Variants in KHDC1 observed in about 807,000 individuals in gnomAD.
KHDC1 encodes the protein KH homology domain-containing protein 1.
KHDC1 carries 21 observed loss-of-function variants against 24.7 expected under a neutral mutation model. That is an observed-to-expected ratio of 0.85 (90% CI 0.60 to 1.23). KHDC1 has a LOEUF of 1.23. Ranked by LOEUF, KHDC1 falls within the 50% of genes most tolerant of loss-of-function variation. KHDC1 has a pLI of 0.00. For synonymous variants in KHDC1, 98 were observed against 111.7 expected (o/e 0.88, Z 0.77); for missense variants, 274 against 298.5 (o/e 0.92, Z 0.61).
chr6:73,242,246 A>AT lies in KHDC1; in HGVS notation c.332-10dup. ...GTATGTGTCACCATGCCCTGTGAGCATAAGAGGTGAGAGGAGGTTCTGTCA... is the reference window on the plus strand; with the variant it reads ...GTATGTGTCACCATGCCCTGTGAGCATTAAGAGGTGAGAGGAGGTTCTGTCA... On this transcript the variant is annotated splice_polypyrimidine_tract_variant and intron_variant, in intron 3 of 4. Transcript: ENST00000370384. The AT allele has an allele frequency of 1.9e-6, 3 of 1,611,390 alleles. No individual in the cohort carries two copies. The South Asian group carries it at 3.3e-5, about 18-fold the overall frequency.
intron 1 of KHDC1, among the ~76,000 whole-genome samples, chr6:73,296,556 A>C (rs1218859065): frequency 6.6e-6 from 1 of 152,200 alleles, no homozygotes; most frequent in African/African-American, 2.4e-5. Flanking sequence ...TGGTTATCAC[A>C]TTATACATAA....
chr6:73,300,971 C>T (rs1175158663), intron 1 of KHDC1: 2 of 152,064 alleles, frequency 1.3e-5, no homozygotes, highest in African/African-American at 4.8e-5. Flanking sequence ...AATCCCAGCA[C>T]TTTGGGAGGC....
intron 2 of KHDC1, among the ~76,000 whole-genome samples, chr6:73,265,505 G>A (rs1165352991): frequency 7.1e-6 from 1 of 141,210 alleles, no homozygotes; most frequent in Non-Finnish European, 1.5e-5. Context: ...CTCTGGCCTG[G>A]GCAACTGAGC....
intron 2 of KHDC1, 46 bp from the exon 1 acceptor site, chr6:73,263,242 C>G: frequency 3.0e-6 from 3 of 986,586 alleles, no homozygotes; most frequent in Non-Finnish European, 3.6e-6. Flanking sequence ...CGGGAAGCAA[C>G]CCAGAGCCCT....
At chr6:73,273,922 A>G (rs1210289307) in intron 2 of KHDC1, among the ~76,000 whole-genome samples, 1 of 152,176 alleles carries the variant, frequency 6.6e-6, no homozygotes, top group Non-Finnish European at 1.5e-5. Context: ...AGTGGAGACC[A>G]GCCTGAGCAA....
chr6:73,272,502 G>A (rs1767198792), intron 2 of KHDC1, among the ~76,000 whole-genome samples: 1 of 152,010 alleles, frequency 6.6e-6, no homozygotes, highest in Non-Finnish European at 1.5e-5. Context: ...AAGGCCAGAC[G>A]TGGTGGCTCA....
chr6:73,242,580 G>A (rs1351375255), intron 2 of KHDC1, 50 bp from the exon 2 acceptor site: 1 of 1,612,256 alleles, frequency 6.2e-7, no homozygotes, highest in East Asian at 2.2e-5. Flanking sequence ...AAAAGACTTG[G>A]AAAAGTGAGG....
intron 2 of KHDC1, among the ~76,000 whole-genome samples, chr6:73,264,730 G>A (rs1261422476): frequency 2.0e-5 from 3 of 152,198 alleles, no homozygotes; most frequent in Non-Finnish European, 4.4e-5. Flanking sequence ...GTGGAACCAG[G>A]ACCAGCCAGG....
Position 73,291,934 on chromosome 6 carries a change from C to G in KHDC1, c.206+64G>C. On this transcript the variant is annotated intron_variant, in intron 2 of 4. Transcript: ENST00000370384. The stretch of plus-strand genomic sequence containing the variant: ...AATCTATTTTTAAAAATTTAATTCT[C>G]TAGCACAGACTCCCTTTTTTTGGTA... 3 of 1,566,516 alleles carry G rather than the reference C, an allele frequency of 1.9e-6. 1 individual carries two copies. In the South Asian group the frequency reaches 3.4e-5, roughly 18 times the overall value.
chr6:73,296,041 C>G (rs1292753823), intron 1 of KHDC1, among the ~76,000 whole-genome samples: 1 of 147,516 alleles, frequency 6.8e-6, no homozygotes, highest in East Asian at 2.0e-4. Context: ...ACTCGGGAGG[C>G]TGAGGCAGGA....
intron 2 of KHDC1, among the ~76,000 whole-genome samples, chr6:73,286,775 C>T (rs376613519): frequency 4.6e-5 from 7 of 151,508 alleles, no homozygotes; most frequent in East Asian, 3.9e-4. Context: ...CTCAGTTACT[C>T]GGGAGGCCGA....
intron 2 of KHDC1, chr6:73,263,158 C>A: frequency 1.0e-6 from 1 of 987,556 alleles, no homozygotes; most frequent in Admixed American, 6.1e-5. Context: ...GGGGTCCCGG[C>A]TCGCGCCGCG....
At chr6:73,249,265 A>G (rs1766733573) in intron 2 of KHDC1, among the ~76,000 whole-genome samples, 1 of 152,100 alleles carries the variant, frequency 6.6e-6, no homozygotes, top group African/African-American at 2.4e-5. Flanking sequence ...GAGGCGACAG[A>G]GTGAAACCCA....
At chr6:73,254,949 TGGA>T (rs1169609269) in intron 2 of KHDC1, among the ~76,000 whole-genome samples, 1 of 150,094 alleles carries the variant, frequency 6.7e-6, no homozygotes, top group African/African-American at 2.5e-5. Flanking sequence ...TTGCAGTGAG[TGGA>T]GATCGCGCCA....
chr6:73,304,647 A>T (rs1562261930), intron 1 of KHDC1, among the ~76,000 whole-genome samples: 1 of 152,214 alleles, frequency 6.6e-6, no homozygotes, highest in Admixed American at 6.5e-5. Flanking sequence ...TGCTACAATG[A>T]CATATATTAC....
At chr6:73,269,584 C>G (rs183316551) in intron 2 of KHDC1, 3 of 152,120 alleles carry the variant, frequency 2.0e-5, no homozygotes, top group African/African-American at 7.2e-5. Context: ...TACGAATGCC[C>G]TCCTTATTCC....
chr6:73,308,991 A>G (rs1429109924), intron 1 of KHDC1, among the ~76,000 whole-genome samples: 2 of 151,958 alleles, frequency 1.3e-5, no homozygotes, highest in East Asian at 1.9e-4. Flanking sequence ...GCGCCAGGCT[A>G]ATTTTTGTAT....
At position 73,292,351 on chromosome 6, in the gene KHDC1, A is replaced by G; in HGVS notation, c.164-311T>C. 3 of 827,716 alleles carry G rather than the reference A, an allele frequency of 3.6e-6. No homozygotes were observed. In the South Asian group the frequency reaches 4.0e-5, roughly 11 times the overall value. The allele number at this position is 827,716 out of a possible 1,614,324, so 51.3% of individuals were successfully genotyped here. Reference sequence around the variant, plus strand: ...GTTTTAGGCAGGAGTATTTAGATACATTCTACACATATGCAAAATTCCAGT... The same window carrying G: ...GTTTTAGGCAGGAGTATTTAGATACGTTCTACACATATGCAAAATTCCAGT... On this transcript the variant is annotated intron_variant, in intron 1 of 4. Transcript: ENST00000370384.
chr6:73,259,773 C>T (rs1345578864), intron 2 of KHDC1, among the ~76,000 whole-genome samples: 1 of 152,176 alleles, frequency 6.6e-6, no homozygotes, highest in Non-Finnish European at 1.5e-5. Flanking sequence ...AGACATCAAT[C>T]TCTTTTGTAA....
Sources: gnomAD v4.1 joint callset for allele counts (sites outside exome capture counted in the v4.1 genomes callset) on GRCh38, gnomAD v4.1.1 for gene constraint, MANE v1.5 for transcripts, NCBI Gene and HGNC (gene_info 2026-07-23, HGNC 2026-07-21) for gene names.